ELK3: variants seen among roughly 807,000 people sequenced by gnomAD.
ELK3 encodes ETS domain-containing protein Elk-3.
ELK3 carries 10 observed loss-of-function variants against 28.9 expected under a neutral mutation model. The ratio of observed to expected loss-of-function variants is 0.35; its 90% CI spans 0.21 to 0.59. The LOEUF (loss-of-function observed/expected upper bound fraction) is 0.59. Ranked by LOEUF, ELK3 falls within the 20% of genes least tolerant of loss-of-function variation. ELK3 has a pLI of 0.82. For missense variants in ELK3, 463 were observed against 517.3 expected, an observed-to-expected ratio of 0.90 and a Z score of 1.02; for synonymous variants, 272 against 243.5, an observed-to-expected ratio of 1.12 and a Z score of -1.09.
At chr12:96,240,409 C>T (rs1951812726) in intron 2 of ELK3, among the ~76,000 whole-genome samples, 1 of 152,110 alleles carries the variant, frequency 6.6e-6, no homozygotes, top group Non-Finnish European at 1.5e-5. Flanking sequence ...ATGCATCGGG[C>T]GTTCTGATAG....
At chr12:96,223,822 C>G in intron 2 of ELK3, 49 bp downstream of exon 2, 1 of 1,575,460 alleles carries the variant, frequency 6.3e-7, no homozygotes, top group Non-Finnish European at 8.7e-7. Flanking sequence ...GTGGAATCCC[C>G]TCTGCGTAGT....
intron 4 of ELK3, among the ~76,000 whole-genome samples, chr12:96,261,459 A>T (rs944581657): frequency 7.9e-5 from 12 of 152,212 alleles, no homozygotes; most frequent in African/African-American, 2.9e-4. Flanking sequence ...GTGGAGAGAT[A>T]AAAACACCTC....
intron 3 of ELK3, among the ~76,000 whole-genome samples, chr12:96,256,304 C>A (rs898740984): frequency 1.3e-5 from 2 of 151,982 alleles, no homozygotes; most frequent in African/African-American, 4.8e-5. Flanking sequence ...GCCTGGGATG[C>A]GGGTGGTAAA....
chr12:96,203,888 C>T (rs930946675), intron 1 of ELK3, among the ~76,000 whole-genome samples: 1 of 152,174 alleles, frequency 6.6e-6, no homozygotes, highest in African/African-American at 2.4e-5. Flanking sequence ...TTTCAGTGAG[C>T]CGAGATTGTG....
intron 2 of ELK3, among the ~76,000 whole-genome samples, chr12:96,233,446 C>A (rs886735332): frequency 8.5e-5 from 13 of 152,134 alleles, no homozygotes; most frequent in African/African-American, 3.1e-4. Context: ...CTTGGCTTAG[C>A]CTCACGATGT....
At chr12:96,254,731 T>C (rs1951934643) in intron 3 of ELK3, among the ~76,000 whole-genome samples, 1 of 151,884 alleles carries the variant, frequency 6.6e-6, no homozygotes, top group Non-Finnish European at 1.5e-5. Flanking sequence ...ACAAAAGGAA[T>C]ACTAAGTTGC....
At chr12:96,242,244 T>G (rs1007391161) in intron 2 of ELK3, among the ~76,000 whole-genome samples, 3 of 152,204 alleles carry the variant, frequency 2.0e-5, no homozygotes, top group African/African-American at 7.2e-5. Flanking sequence ...GTGTCACCCT[T>G]CATAGTAGCC....
chr12:96,212,588 T>G (rs1028555885), intron 1 of ELK3: 32 of 152,000 alleles, frequency 2.1e-4, no homozygotes, highest in African/African-American at 7.5e-4. Flanking sequence ...AGGGGGGAGG[T>G]GGATGTGGTT....
At chr12:96,244,159 G>T (rs1951840547) in intron 2 of ELK3, among the ~76,000 whole-genome samples, 1 of 151,700 alleles carries the variant, frequency 6.6e-6, no homozygotes, top group African/African-American at 2.4e-5. Flanking sequence ...CTAGGCCTTG[G>T]TGCAGAGCTT....
chr12:96,203,561 T>C (rs1377286228), intron 1 of ELK3, among the ~76,000 whole-genome samples: 2 of 152,212 alleles, frequency 1.3e-5, no homozygotes, highest in African/African-American at 2.4e-5. Context: ...CCCTTGGACT[T>C]GATAAAGCCG....
chr12:96,249,125 G>C (rs1000334864), intron 3 of ELK3, among the ~76,000 whole-genome samples: 4 of 152,240 alleles, frequency 2.6e-5, no homozygotes, highest in African/African-American at 9.6e-5. Context: ...ATGAGGCACA[G>C]AGGTAAAGTA....
chr12:96,227,649 G>A (rs557282037), intron 2 of ELK3, among the ~76,000 whole-genome samples: 18 of 152,144 alleles, frequency 1.2e-4, no homozygotes, highest in Non-Finnish European at 2.4e-4. Context: ...GTGCCCATGC[G>A]GTCAGGTTGG....
intron 2 of ELK3, among the ~76,000 whole-genome samples, chr12:96,243,641 G>C (rs991376369): frequency 2.6e-5 from 4 of 152,140 alleles, no homozygotes; most frequent in African/African-American, 7.2e-5. Flanking sequence ...ACGAGGTCAG[G>C]AGATCGAGAC....
chr12:96,254,954 G>A (rs768048184), intron 3 of ELK3, among the ~76,000 whole-genome samples: 1 of 152,130 alleles, frequency 6.6e-6, no homozygotes, highest in Non-Finnish European at 1.5e-5. Flanking sequence ...GGGAGGTATA[G>A]CAATAGGAAG....
At chr12:96,199,215 A>C (rs939387609) in intron 1 of ELK3, among the ~76,000 whole-genome samples, 2 of 152,188 alleles carry the variant, frequency 1.3e-5, no homozygotes, top group African/African-American at 4.8e-5. Flanking sequence ...TTAAACTGAA[A>C]ATATACCTTG....
At position 96,208,712 on chromosome 12, in the gene ELK3, G is replaced by A. The variant is rs555783235; in HGVS notation, c.-3+14007G>A. ...ATGCACTGTGGCCTTGGTAGGACAGGGGAGCAGAAGTCATGCTCACACCAG... is the reference window on the plus strand; with the variant it reads ...ATGCACTGTGGCCTTGGTAGGACAGAGGAGCAGAAGTCATGCTCACACCAG... On this transcript the variant is annotated intron_variant, in intron 1 of 4. Transcript: ENST00000228741. 2.6e-5 allele frequency among the ~76,000 whole-genome samples: 4 copies of A among 152,300 alleles called. 1 individual carries two copies. The highest frequency in any genetic ancestry group is 9.6e-5 in the African/African-American group (4 of 41,562).
intron 4 of ELK3, among the ~76,000 whole-genome samples, chr12:96,264,349 A>G (rs1168575664): frequency 1.3e-5 from 2 of 152,228 alleles, no homozygotes; most frequent in Non-Finnish European, 2.9e-5. Flanking sequence ...CAGTGGACAC[A>G]GGATATAATT....
intron 1 of ELK3, among the ~76,000 whole-genome samples, chr12:96,210,597 A>ACACCCCCCCCC (rs1416746905): frequency 1.3e-5 from 2 of 148,958 alleles, no homozygotes; most frequent in Non-Finnish European, 3.0e-5. Flanking sequence ...ACACACACAC[A>ACACCCCCCCCC]CCCCGAGTGG....
intron 1 of ELK3, among the ~76,000 whole-genome samples, chr12:96,205,310 C>T (rs1310547286): frequency 6.6e-6 from 1 of 152,184 alleles, no homozygotes; most frequent in Non-Finnish European, 1.5e-5. Flanking sequence ...ATCTTTGGGA[C>T]TGTGTGTGAG....
Sources: allele counts gnomAD v4.1 joint callset (sites outside exome capture counted in the v4.1 genomes callset), GRCh38; gene constraint gnomAD v4.1.1; transcripts MANE v1.5; gene names NCBI Gene and HGNC (gene_info 2026-07-23, HGNC 2026-07-21).